PANK2: variants seen among roughly 807,000 people sequenced by gnomAD.
PANK2 encodes the protein pantothenate kinase 2, also known as pantothenate kinase 2, mitochondrial.
PANK2 carries 36 observed loss-of-function variants against 43.1 expected under a neutral mutation model. The observed-to-expected ratio is 0.84, with a 90% CI of 0.64 to 1.10. The LOEUF is 1.10. Among genes scored for constraint, PANK2 ranks in the 50% least tolerant of loss-of-function variants. The pLI, the probability that PANK2 is intolerant of heterozygous loss-of-function variation, is 0.00. For synonymous variants in PANK2, 281 were observed against 238.2 expected, an observed-to-expected ratio of 1.18 and a Z score of -1.66; for missense variants, 576 against 593.3, an observed-to-expected ratio of 0.97 and a Z score of 0.30.
chr20:3,923,560 A>AT lies in PANK2; in HGVS notation c.*271dup, dbSNP rs1238246163. On this transcript the variant is annotated 3_prime_UTR_variant, in exon 7 of 7. Coordinates refer to ENST00000610179, the MANE Select transcript of PANK2 (RefSeq NM_001386393.1). ...GCTGTATATAAGTTGCCTGCTTTGT[A>AT]TTTTTGAAATCTCTGCATCACTCAT... 1.9e-6 allele frequency: 1 copy of AT among 530,138 alleles called. No individual in the cohort carries two copies. Among genetic ancestry groups the AT allele is most frequent in the Non-Finnish European group, 3.4e-6 (1 of 295,132 alleles). 32.8% of individuals were successfully genotyped at this position (530,138 alleles called of 1,614,324 possible). A position where few individuals can be genotyped will look rare whatever the true frequency, so the allele number is the denominator to read the frequency against.
chr20:3,921,359 G>C (rs2090644570), intron 6 of PANK2: 3 of 152,086 alleles, frequency 2.0e-5, no homozygotes, highest in Admixed American at 1.3e-4. Flanking sequence ...TGTTGTGAAA[G>C]CTTCGTATAG....
chr20:3,904,630 C>T (rs1184428360), intron 1 of PANK2, among the ~76,000 whole-genome samples: 3 of 152,064 alleles, frequency 2.0e-5, no homozygotes, highest in African/African-American at 7.2e-5. Context: ...TTCTTTTGTA[C>T]GTTGTTTATT....
intron 2 of PANK2, among the ~76,000 whole-genome samples, chr20:3,909,345 G>A (rs1207833870): frequency 6.6e-6 from 1 of 152,158 alleles, no homozygotes; most frequent in African/African-American, 2.4e-5. Context: ...CTCCCAAAGT[G>A]CTGGGATTAC....
rs11087610 is a variant in PANK2 at position 3,902,581 on chromosome 20, G to GTT, written c.299-5334_299-5333dup. ...AGCATGAGCCACCGCACCTGGCCTA[G>GTT]TTTTTTTTTTTTCTTTTAAAGTAGA... On this transcript the variant is annotated intron_variant, in intron 1 of 6. Transcript: ENST00000610179. Among the ~76,000 whole-genome samples the GTT allele has an allele frequency of 3.5e-3, 508 of 146,506 alleles. 2 individuals are homozygous for GTT. Among genetic ancestry groups the GTT allele is most frequent in the African/African-American group, 7.4e-3 (297 of 40,060 alleles).
chr20:3,894,657 CA>C, intron 1 of PANK2, among the ~76,000 whole-genome samples: 1 of 151,822 alleles, frequency 6.6e-6, no homozygotes, highest in East Asian at 2.0e-4. Flanking sequence ...TGGCTCACTG[CA>C]ACCTCTGTCT....
At position 3,889,446 on chromosome 20, in the gene PANK2, G is replaced by C. The variant is rs1345082552; in HGVS notation, c.16G>C (p.Gly6Arg). The change falls in exon 1 of 7, where the codon GGG (glycine) becomes CGG (arginine). Residue 6 changes from glycine (G) to arginine (R), a missense_variant. Around this residue, in one of 2 missense-constraint regions of PANK2, gnomAD observed 544 missense variants for 528.9 expected, o/e 1.03. Transcript: ENST00000610179. ...GAATCCGACGCTGGGGGGCTTGCTC[G>C]GGCGGCAGCGACTGCTGCTGCGGAT... 2 of 1,552,510 alleles carry C rather than the reference G, an allele frequency of 1.3e-6. No individual in the cohort carries two copies. Among genetic ancestry groups the C allele is most frequent in the South Asian group, 2.3e-5 (2 of 85,298 alleles).
rs188427633 is a variant in PANK2 at position 3,927,902 on chromosome 20, C to T, written c.*4608C>T. 2 of 152,358 alleles carry T rather than the reference C, an allele frequency of 1.3e-5. No individual in the cohort carries two copies. The highest frequency in any genetic ancestry group is 1.3e-4 in the Admixed American group (2 of 15,306). 9.4% of individuals were successfully genotyped at this position (152,358 alleles called of 1,614,324 possible). A position where few individuals can be genotyped will look rare whatever the true frequency, so the allele number is the denominator to read the frequency against. ...AGGACTGGATGGTAAGCCAAAGGTG[C>T]TGATGCTTGGTCAAAAAGTGGAGTA... On this transcript the variant is annotated 3_prime_UTR_variant, in exon 7 of 7. Transcript: ENST00000610179.
rs1037083433 is a variant in PANK2, at chr20:3,889,538, G to A, written c.108G>A (p.Ser36=). 3.4e-5 allele frequency: 49 copies of A among 1,421,858 alleles called. No individual in the cohort carries two copies. Among genetic ancestry groups the A allele is most frequent in the Non-Finnish European group, 4.2e-5 (46 of 1,098,886 alleles). The allele number at this position is 1,421,858 out of a possible 1,614,324, so 88.1% of individuals were successfully genotyped here. A position where few individuals can be genotyped will look rare whatever the true frequency, so the allele number is the denominator to read the frequency against. Reference sequence around the variant, plus strand: ...GGGCTTCCGCCACCTCCGTCTCGTCGGCTGGGGAGCAGGCGGCCGGGGACC... The same window carrying A: ...GGGCTTCCGCCACCTCCGTCTCGTCAGCTGGGGAGCAGGCGGCCGGGGACC... The change falls in exon 1 of 7, where the codon TCG becomes TCA. Residue 36 remains serine, a synonymous_variant. Coordinates refer to ENST00000610179, the MANE Select transcript of PANK2 (RefSeq NM_001386393.1).
At chr20:3,917,373 C>T (rs953654089) in intron 5 of PANK2, 3 of 513,386 alleles carry the variant, frequency 5.8e-6, no homozygotes, top group Non-Finnish European at 1.2e-5. Context: ...AGACTCCACA[C>T]TCACTGCTGA....
At chr20:3,903,436 C>T (rs985558628) in intron 1 of PANK2, among the ~76,000 whole-genome samples, 3 of 150,138 alleles carry the variant, frequency 2.0e-5, no homozygotes, top group African/African-American at 7.3e-5. Context: ...GCATGAGCCA[C>T]GACGCCCGGC....
intron 5 of PANK2, among the ~76,000 whole-genome samples, chr20:3,918,192 A>G (rs2090592608): frequency 6.6e-6 from 1 of 152,160 alleles, no homozygotes; most frequent in Non-Finnish European, 1.5e-5. Context: ...TAATTTTACT[A>G]CAACTACTGA....
upstream of PANK2, chr20:3,889,307 T>A: frequency 1.2e-6 from 2 of 1,601,188 alleles, no homozygotes; most frequent in Non-Finnish European, 1.7e-6. Flanking sequence ...GCGAGGCCTT[T>A]GGGCCGTCCC....
In PANK2 at chr20:3,926,779, A is replaced by C. The variant is rs1371231425; in HGVS notation, c.*3485A>C. 6.6e-6 allele frequency: 1 copy of C among 152,166 alleles called. No individual in the cohort carries two copies. The highest frequency in any genetic ancestry group is 1.5e-5 in the Non-Finnish European group (1 of 68,064). The allele number at this position is 152,166 out of a possible 1,614,324, so 9.4% of individuals were successfully genotyped here. A position where few individuals can be genotyped will look rare whatever the true frequency, so the allele number is the denominator to read the frequency against. ...ACATGGTGAAACCCCGTCTCTACTG[A>C]AAATACAAAAATAATTAGCCGGGAA... On this transcript the variant is annotated 3_prime_UTR_variant, in exon 7 of 7. Transcript: ENST00000610179.
chr20:3,918,873 G>A (rs535466458), intron 6 of PANK2, 77 bp downstream of exon 6: 3 of 1,607,506 alleles, frequency 1.9e-6, no homozygotes, highest in East Asian at 4.5e-5. Context: ...ACTTGAGGTA[G>A]AGGGTGGAGG....
chr20:3,898,072 T>C (rs2090238870), intron 1 of PANK2, among the ~76,000 whole-genome samples: 1 of 152,200 alleles, frequency 6.6e-6, no homozygotes, highest in Non-Finnish European at 1.5e-5. Context: ...GTTGAGATAA[T>C]CATGATTTTT....
rs149206661 is a variant in PANK2 at position 3,906,862 on chromosome 20, G to T, written c.299-1064G>T. On this transcript the variant is annotated intron_variant, in intron 1 of 6. Coordinates refer to ENST00000610179, the MANE Select transcript of PANK2 (RefSeq NM_001386393.1). The stretch of plus-strand genomic sequence containing the variant: ...TCGCCAGGCTAGAGTGCAGTGGTGC[G>T]ATCTTGGCTCACTGCAGCTTCTGCC... Among the ~76,000 whole-genome samples the T allele has an allele frequency of 4.6e-5, 7 of 151,982 alleles. No individual in the cohort carries two copies. The East Asian group carries it at 1.4e-3, about 29-fold the overall frequency.
chr20:3,914,084 T>C (rs6107372), intron 4 of PANK2, among the ~76,000 whole-genome samples: 53,266 of 150,592 alleles, frequency 0.35, 10,030 homozygotes, highest in East Asian at 0.58. Context: ...CCACTGCGCC[T>C]GGCCTGCACA....
chr20:3,889,927 C>T (rs1004747632), intron 1 of PANK2, 199 bp downstream of exon 1: 1 of 1,531,596 alleles, frequency 6.5e-7, no homozygotes, highest in Non-Finnish European at 8.7e-7. Flanking sequence ...CCCCCCGCAC[C>T]CATTGGTATG....
intron 1 of PANK2, among the ~76,000 whole-genome samples, chr20:3,890,115 G>C: frequency 6.6e-6 from 1 of 152,100 alleles, no homozygotes; most frequent in East Asian, 1.9e-4. Flanking sequence ...TGTTTTCCGT[G>C]GGTTTCCAAA....
Sources: gnomAD v4.1 joint callset for allele counts (sites outside exome capture counted in the v4.1 genomes callset) on GRCh38, gnomAD v4.1.1 for gene constraint, gnomAD v4.1.1 regional missense constraint, MANE v1.5 for transcripts, NCBI Gene and HGNC (gene_info 2026-07-23, HGNC 2026-07-21) for gene names.